PCDHGB5: variants seen among roughly 807,000 people sequenced by gnomAD.
The protein encoded by PCDHGB5 is protocadherin gamma-B5.
Under a neutral mutation model 62.9 loss-of-function variants are expected in PCDHGB5, and 48 were observed. The observed-to-expected ratio is 0.76, with a 90% CI of 0.61 to 0.97. PCDHGB5 has a LOEUF of 0.97. Ranked by LOEUF, PCDHGB5 falls within the 50% of genes least tolerant of loss-of-function variation. The pLI, the probability that PCDHGB5 is intolerant of heterozygous loss-of-function variation, is 0.00. For synonymous variants in PCDHGB5, 474 were observed against 511.2 expected (o/e 0.93, Z 0.98); for missense variants, 1,118 against 1,198.6 (o/e 0.93, Z 0.99).
In PCDHGB5 at chr5:141,418,400, G is replaced by C; in HGVS notation, c.2397+17876G>C. ...AAGTCCTAACGAGTATTTCTCATTGGTGGAGAAAGACAATCCTGATGGTGG... is the reference window on the plus strand; with the variant it reads ...AAGTCCTAACGAGTATTTCTCATTGCTGGAGAAAGACAATCCTGATGGTGG... On this transcript the variant is annotated intron_variant, in intron 1 of 3. Coordinates refer to ENST00000617380, the MANE Select transcript of PCDHGB5 (RefSeq NM_018925.3). The C allele has an allele frequency of 6.2e-7, 1 of 1,613,900 alleles. No homozygotes were observed. The highest frequency in any genetic ancestry group is 8.5e-7 in the Non-Finnish European group (1 of 1,179,794).
chr5:141,409,286 C>T (rs1304936825), intron 1 of PCDHGB5: 1 of 1,613,826 alleles, frequency 6.2e-7, no homozygotes, highest in African/African-American at 1.3e-5. Context: ...GAATTCACCT[C>T]CAGGAATGGT....
chr5:141,415,980 T>C, intron 1 of PCDHGB5: 1 of 348,656 alleles, frequency 2.9e-6, no homozygotes, highest in Non-Finnish European at 4.8e-6. Context: ...TAAGCAACCC[T>C]CTTGTTCTGA....
chr5:141,501,290 TACACACACACACACACACAC>T (rs55762287), intron 2 of PCDHGB5, among the ~76,000 whole-genome samples: 1 of 136,162 alleles, frequency 7.3e-6, no homozygotes, highest in Non-Finnish European at 1.6e-5. Flanking sequence ...TATTCCCTTA[TACACACACACACACACACAC>T]ACACACACAC....
In PCDHGB5 at chr5:141,485,124, C is replaced by A; in HGVS notation, c.2398-9683C>A. ...GCTGCTGTGGCTGTTTGGGGCGGGT[C>A]GGCTTCATCCGCGTCTCAGGAGCAA... is the stretch of plus-strand genomic sequence containing the variant. On this transcript the variant is annotated intron_variant, in intron 1 of 3. Transcript: ENST00000617380. The surrounding 1 kb of genome is among the most constrained non-coding windows in gnomAD (Gnocchi z 5.7). 2 of 1,390,136 alleles carry A rather than the reference C, an allele frequency of 1.4e-6. No homozygotes were observed. The highest frequency in any genetic ancestry group is 2.5e-5 in the South Asian group (2 of 80,180). 86.1% of individuals were successfully genotyped at this position (1,390,136 alleles called of 1,614,324 possible). A position where few individuals can be genotyped will look rare whatever the true frequency, so the allele number is the denominator to read the frequency against.
intron 1 of PCDHGB5, among the ~76,000 whole-genome samples, chr5:141,474,061 T>A (rs2099339173): frequency 1.3e-5 from 2 of 152,058 alleles, no homozygotes; most frequent in Admixed American, 6.6e-5. Flanking sequence ...CAGAGCGAGA[T>A]CCTGCCTCAG....
intron 1 of PCDHGB5, among the ~76,000 whole-genome samples, chr5:141,468,979 C>T (rs1394344696): frequency 6.7e-6 from 1 of 149,482 alleles, no homozygotes; most frequent in African/African-American, 2.5e-5. Flanking sequence ...CTTTTGACTT[C>T]CAAAATTATT....
intron 1 of PCDHGB5, chr5:141,430,857 A>G: frequency 1.3e-6 from 2 of 1,591,432 alleles, no homozygotes; most frequent in Non-Finnish European, 1.7e-6. Flanking sequence ...CAGATACGCT[A>G]TTCAGTTCCG....
intron 1 of PCDHGB5, among the ~76,000 whole-genome samples, chr5:141,466,443 C>T (rs906096545): frequency 6.6e-6 from 1 of 152,186 alleles, no homozygotes; most frequent in African/African-American, 2.4e-5. Context: ...ACCGAGATGT[C>T]TATGGTGTTG....
chr5:141,492,050 C>CT, intron 1 of PCDHGB5: 1 of 501,102 alleles, frequency 2.0e-6, no homozygotes, highest in Non-Finnish European at 3.5e-6. Flanking sequence ...AGATCCACCC[C>CT]TGCAGCCAGC....
chr5:141,450,916 C>T (rs1168320527), intron 1 of PCDHGB5, among the ~76,000 whole-genome samples: 1 of 151,580 alleles, frequency 6.6e-6, no homozygotes, highest in Admixed American at 6.6e-5. Flanking sequence ...CCGCTGCCTC[C>T]CAGATTCAAG....
rs924491576 is a variant in PCDHGB5, at chr5:141,491,579, C to T, written c.2398-3228C>T. On this transcript the variant is annotated intron_variant, in intron 1 of 3. Coordinates refer to ENST00000617380, the MANE Select transcript of PCDHGB5 (RefSeq NM_018925.3). This position sits in a 1 kb window ranked among gnomAD's most constrained non-coding sequence, Gnocchi z 6.9. ...CACTGCTACAGGACGTGCTTTTCAC[C>T]GGCCTCGGACGGCAGTGACTTCACT... is the stretch of plus-strand genomic sequence containing the variant. 18 of 1,613,810 alleles carry T rather than the reference C, an allele frequency of 1.1e-5. No homozygotes were observed. Among genetic ancestry groups the T allele is most frequent in the Non-Finnish European group, 1.4e-5 (17 of 1,180,044 alleles).
intron 1 of PCDHGB5, chr5:141,414,951 G>A (rs1411406878): frequency 5.6e-6 from 9 of 1,614,092 alleles, no homozygotes; most frequent in Non-Finnish European, 7.6e-6. Flanking sequence ...GCTACCTGGT[G>A]ACCAAGGTGG....
intron 1 of PCDHGB5, among the ~76,000 whole-genome samples, chr5:141,456,691 G>A (rs564429451): frequency 3.3e-5 from 5 of 152,234 alleles, no homozygotes; most frequent in South Asian, 4.1e-4. Flanking sequence ...CTGGCCAGGC[G>A]TGGTGGCTCG....
chr5:141,499,089 A>G (rs1417307590), intron 2 of PCDHGB5, among the ~76,000 whole-genome samples: 2 of 152,116 alleles, frequency 1.3e-5, no homozygotes, highest in Non-Finnish European at 1.5e-5. Context: ...CCTGCTTGGC[A>G]CATGCTTCTC....
intron 2 of PCDHGB5, among the ~76,000 whole-genome samples, chr5:141,495,279 G>C (rs72790069): frequency 0.027 from 4,092 of 152,256 alleles, 88 homozygotes; most frequent in Middle Eastern, 0.048. Flanking sequence ...CGGAGGAGGC[G>C]GTCCGCACTC....
rs769652961 is a variant in PCDHGB5, at chr5:141,489,435, A to G, written c.2398-5372A>G. ...CAGATCTGTTGAGCCGGCGGCTGCAATTGGGCTCTGAGGAGAATGGGCGCT... is the reference window on the plus strand; with the variant it reads ...CAGATCTGTTGAGCCGGCGGCTGCAGTTGGGCTCTGAGGAGAATGGGCGCT... On this transcript the variant is annotated intron_variant, in intron 1 of 3. Coordinates refer to ENST00000617380, the MANE Select transcript of PCDHGB5 (RefSeq NM_018925.3). This position sits in a 1 kb window ranked among gnomAD's most constrained non-coding sequence, Gnocchi z 4.5. 2 of 1,614,138 alleles carry G rather than the reference A, an allele frequency of 1.2e-6. No homozygotes were observed. The highest frequency in any genetic ancestry group is 1.7e-6 in the Non-Finnish European group (2 of 1,180,024).
At chr5:141,430,841 T>C (rs757539834) in intron 1 of PCDHGB5, 1 of 1,566,462 alleles carries the variant, frequency 6.4e-7, no homozygotes, top group South Asian at 1.2e-5. Flanking sequence ...GGAGACCGGA[T>C]GCACCCAGAT....
intron 1 of PCDHGB5, chr5:141,409,530 C>G: frequency 6.2e-7 from 1 of 1,613,994 alleles, no homozygotes. Flanking sequence ...TTGTATGTCG[C>G]TGACATCAAC....
intron 1 of PCDHGB5, chr5:141,422,354 A>G: frequency 6.4e-7 from 1 of 1,557,090 alleles, no homozygotes; most frequent in Non-Finnish European, 8.6e-7. Flanking sequence ...CAAGATCAAG[A>G]TTCTGGAGAA....
Sources: gnomAD v4.1 joint callset for allele counts (sites outside exome capture counted in the v4.1 genomes callset) on GRCh38, gnomAD v4.1.1 for gene constraint, Gnocchi (gnomAD v3.1) non-coding constraint, MANE v1.5 for transcripts, NCBI Gene and HGNC (gene_info 2026-07-23, HGNC 2026-07-21) for gene names.